The following CUL5 variants were observed in gnomAD, a reference collection of about 807,000 sequenced individuals.
CUL5 encodes the protein cullin 5.
In CUL5, 26 loss-of-function variants were observed where a neutral mutation model predicts 108.8. The observed-to-expected ratio is 0.24, with a 90% CI of 0.18 to 0.33. The LOEUF is 0.33. Among genes scored for constraint, CUL5 ranks in the 10% least tolerant of loss-of-function variants. CUL5 has a pLI of 1.00. For missense variants in CUL5, 524 were observed against 909.2 expected, an observed-to-expected ratio of 0.58 and a Z score of 5.45; for synonymous variants, 334 against 298.0, an observed-to-expected ratio of 1.12 and a Z score of -1.25.
chr11:108,013,018 G>C (rs1421426220), intron 1 of CUL5, among the ~76,000 whole-genome samples: 1 of 151,998 alleles, frequency 6.6e-6, no homozygotes, highest in Non-Finnish European at 1.5e-5. Flanking sequence ...TTAATGATAT[G>C]GCTTACTCTT....
intron 13 of CUL5, among the ~76,000 whole-genome samples, 178 bp from the exon 14 acceptor site, chr11:108,094,213 A>G (rs572345610): frequency 6.6e-6 from 1 of 152,226 alleles, no homozygotes; most frequent in Non-Finnish European, 1.5e-5. Flanking sequence ...GACCCCTTGT[A>G]ATACCGTATT....
At chr11:108,088,809 G>GTCTACA in intron 12 of CUL5, 150 bp downstream of exon 12, 2 of 537,712 alleles carry the variant, frequency 3.7e-6, no homozygotes, top group Non-Finnish European at 6.0e-6. Flanking sequence ...AGACCTCTCG[G>GTCTACA]GGGGTTATTT....
rs758174990 is a variant in CUL5, at chr11:108,048,912, G to A, written c.235-978G>A. ...AAACTCATGACCTCGTGATCTGCCC[G>A]CCTTAGCCTCCCAAAGTGCTGGGAT... On this transcript the variant is annotated intron_variant, in intron 3 of 18. Coordinates refer to ENST00000393094, the MANE Select transcript of CUL5 (RefSeq NM_003478.6). 4.6e-4 allele frequency among the ~76,000 whole-genome samples: 69 copies of A among 151,648 alleles called. 1 individual carries two copies. Among genetic ancestry groups the A allele is most frequent in the Non-Finnish European group, 6.6e-4 (45 of 67,960 alleles).
Position 108,052,800 on chromosome 11 carries a change from T to C in CUL5, c.552T>C (p.Tyr184=). Residue 184 remains tyrosine, a splice_region_variant and synonymous_variant, in exon 5 of 19, where the codon TAT becomes TAC. Transcript: ENST00000393094. Reference sequence around the variant, plus strand: ...TGGTTATTGGAGTAAGAGAATCCTATGGTATGTTCTGAACTTTTATGATCA... The same window carrying C: ...TGGTTATTGGAGTAAGAGAATCCTACGGTATGTTCTGAACTTTTATGATCA... ...SQLVIGVRES[Y]VNLCSNPEDK... 1.9e-6 allele frequency: 3 copies of C among 1,608,792 alleles called. No individual in the cohort carries two copies. The highest frequency in any genetic ancestry group is 2.5e-6 in the Non-Finnish European group (3 of 1,178,062).
At chr11:108,045,775 G>A (rs940183707) in intron 2 of CUL5, among the ~76,000 whole-genome samples, 1 of 152,042 alleles carries the variant, frequency 6.6e-6, no homozygotes, top group African/African-American at 2.4e-5. Flanking sequence ...AGGGAGGATC[G>A]CCTCAACCCA....
At chr11:108,024,518 A>G (rs911403321) in intron 1 of CUL5, among the ~76,000 whole-genome samples, 2 of 152,280 alleles carry the variant, frequency 1.3e-5, no homozygotes, top group African/African-American at 4.8e-5. Flanking sequence ...TTGGAACAGT[A>G]CAGCACCTAA....
intron 13 of CUL5, among the ~76,000 whole-genome samples, chr11:108,091,865 A>T (rs1392607325): frequency 6.7e-6 from 1 of 150,358 alleles, no homozygotes; most frequent in Non-Finnish European, 1.5e-5. Flanking sequence ...AATGCTCAAC[A>T]TGTTGGCTCC....
At chr11:108,041,915 T>C (rs1291098049) in intron 2 of CUL5, among the ~76,000 whole-genome samples, 1 of 152,072 alleles carries the variant, frequency 6.6e-6, no homozygotes, top group Admixed American at 6.6e-5. Context: ...AAAAGGCTTC[T>C]TAAACTAACA....
In CUL5 at chr11:108,102,392, T is replaced by C. The variant is rs137925026; in HGVS notation, c.2149-1798T>C. Among the ~76,000 whole-genome samples, 1,410 of 152,252 alleles carry C rather than the reference T, an allele frequency of 9.3e-3. 20 individuals carry two copies. The highest frequency in any genetic ancestry group is 0.032 in the African/African-American group (1,345 of 41,548). ...CCCAGGCTGGAGTGCAGTGGTACAATCTCAGCTCACTGCAACCTCTGCCTT... is the reference window on the plus strand; with the variant it reads ...CCCAGGCTGGAGTGCAGTGGTACAACCTCAGCTCACTGCAACCTCTGCCTT... On this transcript the variant is annotated intron_variant, in intron 18 of 18. Coordinates refer to ENST00000393094, the MANE Select transcript of CUL5 (RefSeq NM_003478.6).
At chr11:108,027,981 T>C (rs773855606) in intron 1 of CUL5, among the ~76,000 whole-genome samples, 54 of 152,166 alleles carry the variant, frequency 3.5e-4, no homozygotes, top group Non-Finnish European at 6.6e-4. Context: ...CTTACTCCTC[T>C]CTCCGCCTCT....
chr11:108,017,541 C>G (rs11600706), intron 1 of CUL5, among the ~76,000 whole-genome samples: 20,062 of 151,894 alleles, frequency 0.13, 1,396 homozygotes, highest in African/African-American at 0.18. Context: ...AGGGCGGTAG[C>G]GAAAACAACG....
intron 1 of CUL5, among the ~76,000 whole-genome samples, chr11:108,014,540 A>C (rs1461937177): frequency 6.6e-6 from 1 of 152,214 alleles, no homozygotes; most frequent in East Asian, 1.9e-4. Flanking sequence ...TTTTACACAT[A>C]AATAAAAGTT....
intron 8 of CUL5, among the ~76,000 whole-genome samples, chr11:108,071,915 A>G: frequency 6.6e-6 from 1 of 152,012 alleles, no homozygotes. Flanking sequence ...AGTGGCTCAT[A>G]CCTATGATCC....
At chr11:108,010,964 A>G (rs934894137) in intron 1 of CUL5, among the ~76,000 whole-genome samples, 1 of 152,230 alleles carries the variant, frequency 6.6e-6, no homozygotes, top group East Asian at 1.9e-4. Context: ...ATAGTTAACT[A>G]TGATCACGCC....
intron 9 of CUL5, 58 bp from the exon 10 acceptor site, chr11:108,073,332 A>AT (rs1015687434): frequency 7.9e-6 from 6 of 759,610 alleles, no homozygotes; most frequent in East Asian, 2.9e-5. Context: ...TTATTTTCTC[A>AT]TTTTTTTGTG....
chr11:108,029,271 GAGA>G (rs1862521870), intron 1 of CUL5, among the ~76,000 whole-genome samples: 2 of 152,138 alleles, frequency 1.3e-5, no homozygotes, highest in South Asian at 2.1e-4. Context: ...CCATTTGTGT[GAGA>G]AGAAGAGTGC....
At chr11:108,032,709 TGTTTG>T (rs1054691748) in intron 1 of CUL5, among the ~76,000 whole-genome samples, 16 of 152,178 alleles carry the variant, frequency 1.1e-4, no homozygotes, top group South Asian at 1.0e-3. Flanking sequence ...ATATGACACT[TGTTTG>T]ATTTGATAAT....
chr11:108,095,478 A>G, intron 15 of CUL5, 52 bp from the exon 16 acceptor site: 1 of 1,235,024 alleles, frequency 8.1e-7, no homozygotes. Context: ...ATAGATATTA[A>G]GAGAGAATCA....
At chr11:108,034,883 G>A (rs2135090659) in intron 2 of CUL5, among the ~76,000 whole-genome samples, 1 of 152,194 alleles carries the variant, frequency 6.6e-6, no homozygotes, top group East Asian at 1.9e-4. Context: ...TTTAGGAATT[G>A]GTCAGGATGA....
Sources: gnomAD v4.1 joint callset for allele counts (sites outside exome capture counted in the v4.1 genomes callset) on GRCh38, gnomAD v4.1.1 for gene constraint, MANE v1.5 for transcripts, NCBI Gene and HGNC (gene_info 2026-07-23, HGNC 2026-07-21) for gene names.